Variants in DPP6 observed in about 807,000 individuals in gnomAD.
DPP6 encodes the protein A-type potassium channel modulatory protein DPP6.
Under a neutral mutation model 122.6 loss-of-function variants are expected in DPP6, and 69 were observed. That is an observed-to-expected ratio of 0.56 (90% confidence interval 0.46 to 0.69). The LOEUF (loss-of-function observed/expected upper bound fraction) is 0.69, where lower values mean the gene tolerates loss of function less well. Among genes scored for constraint, DPP6 ranks in the 30% least tolerant of loss-of-function variants. The pLI is 0.00. For missense variants in DPP6, 928 were observed against 1,116.9 expected, an observed-to-expected ratio of 0.83 and a Z score of 2.41; for synonymous variants, 418 against 433.1, an observed-to-expected ratio of 0.97 and a Z score of 0.43.
chr7:154,056,840 A>C (rs1416143658), intron 1 of DPP6, among the ~76,000 whole-genome samples: 1 of 152,210 alleles, frequency 6.6e-6, no homozygotes, highest in African/African-American at 2.4e-5. Flanking sequence ...GCTTCCCTCT[A>C]CAAATATGTT....
intron 6 of DPP6, among the ~76,000 whole-genome samples, chr7:154,666,108 G>A (rs956773354): frequency 1.9e-4 from 28 of 150,430 alleles, no homozygotes; most frequent in African/African-American, 6.2e-4. Flanking sequence ...CAAAAGACTC[G>A]ATTCATATAT....
chr7:154,579,741 T>C (rs1039801263), intron 5 of DPP6, among the ~76,000 whole-genome samples: 1 of 152,166 alleles, frequency 6.6e-6, no homozygotes, highest in African/African-American at 2.4e-5. Context: ...GGAGATGGAC[T>C]GGCAGGTACC....
intron 6 of DPP6, among the ~76,000 whole-genome samples, chr7:154,668,206 T>C (rs967804310): frequency 3.1e-5 from 3 of 98,292 alleles, no homozygotes. Flanking sequence ...TTTATATATA[T>C]ATATATATAT....
intron 1 of DPP6, among the ~76,000 whole-genome samples, chr7:154,329,075 T>TA (rs1563488523): frequency 6.6e-6 from 1 of 152,246 alleles, no homozygotes; most frequent in Non-Finnish European, 1.5e-5. Context: ...ACCATGGTTT[T>TA]AGCCCTACTT....
intron 7 of DPP6, among the ~76,000 whole-genome samples, chr7:154,723,366 A>G (rs1463553684): frequency 6.6e-6 from 1 of 152,150 alleles, no homozygotes; most frequent in Non-Finnish European, 1.5e-5. Flanking sequence ...AAAAAAGAGG[A>G]TTTAATATCC....
the DPP6 span, among the ~76,000 whole-genome samples, chr7:153,803,933 T>C: frequency 6.6e-6 from 1 of 151,370 alleles, no homozygotes; most frequent in Admixed American, 6.6e-5. Flanking sequence ...CACAAACTCT[T>C]TATCCAGATA....
At chr7:154,764,676 C>T (rs964006378) in intron 8 of DPP6, among the ~76,000 whole-genome samples, 3 of 152,176 alleles carry the variant, frequency 2.0e-5, no homozygotes, top group Middle Eastern at 3.2e-3. Context: ...TCTGTATTCC[C>T]AGACCCCATA....
chr7:153,833,461 G>A, the DPP6 span, among the ~76,000 whole-genome samples: 1 of 152,168 alleles, frequency 6.6e-6, no homozygotes, highest in Non-Finnish European at 1.5e-5. Flanking sequence ...ATCACTTGAG[G>A]TCAGGAGTTC....
chr7:154,239,869 G>A (rs1022217148), intron 1 of DPP6, among the ~76,000 whole-genome samples: 2 of 150,866 alleles, frequency 1.3e-5, no homozygotes, highest in Admixed American at 6.6e-5. Flanking sequence ...TTTCACACCT[G>A]TAATCCTAGC....
intron 7 of DPP6, among the ~76,000 whole-genome samples, chr7:154,689,752 A>G (rs1839833303): frequency 6.6e-6 from 1 of 152,220 alleles, no homozygotes; most frequent in South Asian, 2.1e-4. Flanking sequence ...CGAAAGCAGG[A>G]AATTTAAAAA....
chr7:154,302,947 C>G (rs1382398706), intron 1 of DPP6, among the ~76,000 whole-genome samples: 1 of 152,018 alleles, frequency 6.6e-6, no homozygotes, highest in Non-Finnish European at 1.5e-5. Context: ...GATGGGAGCT[C>G]AACATTTGAC....
At chr7:154,098,106 T>C (rs989045291) in intron 1 of DPP6, among the ~76,000 whole-genome samples, 2 of 152,100 alleles carry the variant, frequency 1.3e-5, no homozygotes, top group African/African-American at 4.8e-5. Context: ...CATAATCCTG[T>C]TGGATTATGT....
At chr7:153,822,236 C>T in the DPP6 span, among the ~76,000 whole-genome samples, 2 of 130,892 alleles carry the variant, frequency 1.5e-5, no homozygotes, top group African/African-American at 3.0e-5. Context: ...GTCCCCCAGG[C>T]TGGAGTGCAG....
intron 5 of DPP6, among the ~76,000 whole-genome samples, chr7:154,595,073 C>T (rs1833012654): frequency 1.3e-5 from 2 of 151,910 alleles, no homozygotes; most frequent in Non-Finnish European, 1.5e-5. Context: ...TTAAAATTGC[C>T]CTGCCATGTG....
At chr7:154,883,896 CATTACATACACAT>C (rs1563323680) in intron 21 of DPP6, 154 of 130,954 alleles carry the variant, frequency 1.2e-3, no homozygotes, top group Middle Eastern at 5.3e-3. Context: ...TGCTCACACA[CATTACATACACAT>C]GCTCACACAC....
At chr7:154,552,964 A>G (rs777469125) in intron 4 of DPP6, among the ~76,000 whole-genome samples, 8 of 152,224 alleles carry the variant, frequency 5.3e-5, no homozygotes, top group Admixed American at 2.0e-4. Context: ...AATTTGAGGA[A>G]CTCAAGGTAA....
intron 5 of DPP6, among the ~76,000 whole-genome samples, chr7:154,591,500 C>T (rs865968190): frequency 3.3e-5 from 5 of 151,832 alleles, no homozygotes; most frequent in Non-Finnish European, 7.4e-5. Context: ...GATCATGATC[C>T]CAGGAGGACT....
intron 10 of DPP6, among the ~76,000 whole-genome samples, chr7:154,778,750 C>T (rs1796756590): frequency 6.8e-6 from 1 of 147,386 alleles, no homozygotes; most frequent in African/African-American, 2.5e-5. Context: ...CTTCCAACAC[C>T]ACCTTCACCA....
In DPP6 at chr7:154,873,802, C is replaced by CCA. The variant is rs144717280; in HGVS notation, c.1883+1120_1883+1121dup. 7.3e-3 allele frequency among the ~76,000 whole-genome samples: 962 copies of CCA among 132,408 alleles called. 2 individuals carry two copies. The highest frequency in any genetic ancestry group is 0.011 in the Non-Finnish European group (690 of 61,626). The allele number at this position is 132,408 out of a possible 152,430, so 86.9% of individuals were successfully genotyped here. On this transcript the variant is annotated intron_variant, in intron 19 of 25. Coordinates refer to ENST00000377770, the MANE Select transcript of DPP6 (RefSeq NM_130797.4). Reference sequence around the variant, plus strand: ...CACACCCACATGTGCACACATGCATCCACACACACACATGCACACACGCAT... The same window carrying CCA: ...CACACCCACATGTGCACACATGCATCCACACACACACACATGCACACACGCAT...
Sources: gnomAD v4.1 joint callset for allele counts (sites outside exome capture counted in the v4.1 genomes callset) on GRCh38, gnomAD v4.1.1 for gene constraint, MANE v1.5 for transcripts, NCBI Gene and HGNC (gene_info 2026-07-23, HGNC 2026-07-21) for gene names.